The following ASCC3 variants were observed in gnomAD, a reference collection of about 807,000 sequenced individuals.
ASCC3 encodes activating signal cointegrator 1 complex subunit 3.
ASCC3 carries 158 observed loss-of-function variants against 256.3 expected under a neutral mutation model. The ratio of observed to expected loss-of-function variants is 0.62; its 90% CI spans 0.54 to 0.70. ASCC3 has a LOEUF of 0.70. ASCC3 is among the 30% of genes least tolerant of loss of function. ASCC3 has a pLI of 0.00. For synonymous variants in ASCC3, 948 were observed against 883.4 expected (o/e 1.07, Z -1.30); for missense variants, 2,259 against 2,626.0 (o/e 0.86, Z 3.05).
intron 1 of ASCC3, among the ~76,000 whole-genome samples, chr6:100,874,493 A>T (rs1270094044): frequency 6.8e-6 from 1 of 146,588 alleles, no homozygotes; most frequent in Non-Finnish European, 1.5e-5. Context: ...AAAACAACTC[A>T]TTGTATTTTG....
chr6:100,740,323 G>A (rs1780371768), intron 10 of ASCC3, among the ~76,000 whole-genome samples: 1 of 152,018 alleles, frequency 6.6e-6, no homozygotes, highest in African/African-American at 2.4e-5. Context: ...CAGTTTTTAC[G>A]CATTTGTTGA....
chr6:100,875,229 A>T (rs1303592549), intron 1 of ASCC3, among the ~76,000 whole-genome samples: 1 of 152,204 alleles, frequency 6.6e-6, no homozygotes, highest in Non-Finnish European at 1.5e-5. Flanking sequence ...TGGAAGACAG[A>T]ATCAATGTGG....
At chr6:100,565,763 A>C (rs1488501135) in intron 36 of ASCC3, among the ~76,000 whole-genome samples, 1 of 152,190 alleles carries the variant, frequency 6.6e-6, no homozygotes, top group Non-Finnish European at 1.5e-5. Flanking sequence ...ACTATGAGAG[A>C]GGATGGCTAT....
At chr6:100,753,981 A>G (rs1401650685) in intron 10 of ASCC3, among the ~76,000 whole-genome samples, 1 of 152,166 alleles carries the variant, frequency 6.6e-6, no homozygotes, top group African/African-American at 2.4e-5. Context: ...AGACCTAAAG[A>G]GTTCATCATC....
chr6:100,575,212 AT>A (rs1003063724), intron 36 of ASCC3, among the ~76,000 whole-genome samples: 4 of 151,142 alleles, frequency 2.6e-5, no homozygotes, highest in Non-Finnish European at 4.4e-5. Context: ...AAACTCTTTA[AT>A]TTTTTTTTAC....
rs1218051892 is a variant in ASCC3, at chr6:100,787,346, C to T, written c.1395+11367G>A. ...ATAGGTATAAATTTAACACAACAGT[C>T]GTAAAACATATCCTAAAAATTACAA... On this transcript the variant is annotated intron_variant, in intron 8 of 41. Coordinates refer to ENST00000369162, the MANE Select transcript of ASCC3 (RefSeq NM_006828.4). 2.6e-5 allele frequency among the ~76,000 whole-genome samples: 4 copies of T among 151,312 alleles called. No homozygotes were observed. In the East Asian group the frequency reaches 5.8e-4, roughly 22 times the overall value.
chr6:100,832,766 C>T (rs1771684160), intron 4 of ASCC3, among the ~76,000 whole-genome samples: 1 of 151,756 alleles, frequency 6.6e-6, no homozygotes, highest in South Asian at 2.1e-4. Context: ...ATTATCAATC[C>T]CACAGACAAT....
intron 8 of ASCC3, among the ~76,000 whole-genome samples, chr6:100,771,518 G>A (rs1781915633): frequency 6.8e-6 from 1 of 146,206 alleles, no homozygotes; most frequent in Non-Finnish European, 1.5e-5. Context: ...ACATATATCA[G>A]ATAAAGTGCT....
intron 4 of ASCC3, among the ~76,000 whole-genome samples, chr6:100,821,564 G>A (rs1266292864): frequency 1.3e-5 from 2 of 152,102 alleles, no homozygotes; most frequent in South Asian, 2.1e-4. Context: ...GGTCATTCAC[G>A]CCTATAATCT....
At chr6:100,816,409 T>A (rs1036411509) in intron 4 of ASCC3, among the ~76,000 whole-genome samples, 2 of 152,110 alleles carry the variant, frequency 1.3e-5, no homozygotes, top group African/African-American at 2.4e-5. Context: ...TACTACTGGG[T>A]ATATACCCAA....
intron 19 of ASCC3, 65 bp downstream of exon 19, chr6:100,651,495 C>T: frequency 1.1e-6 from 1 of 909,642 alleles, no homozygotes; most frequent in South Asian, 1.9e-5. Context: ...TTAATGAGAA[C>T]CTTTTATAAA....
At chr6:100,652,003 G>C (rs933264275) in intron 18 of ASCC3, among the ~76,000 whole-genome samples, 22 of 151,966 alleles carry the variant, frequency 1.4e-4, no homozygotes, top group Non-Finnish European at 2.6e-4. Flanking sequence ...CGAATTCTAA[G>C]CTGATCATGT....
At chr6:100,526,616 TATCACTTCCCTAGTGGAGA>T (rs1774589626) in intron 37 of ASCC3, among the ~76,000 whole-genome samples, 1 of 152,196 alleles carries the variant, frequency 6.6e-6, no homozygotes, top group Admixed American at 6.5e-5. Context: ...ATCAACTCTG[TATCACTTCCCTAGTGGAGA>T]ATGGTGCTTT....
At chr6:100,649,439 G>A (rs1031340228) in intron 20 of ASCC3, among the ~76,000 whole-genome samples, 6 of 151,466 alleles carry the variant, frequency 4.0e-5, no homozygotes, top group African/African-American at 1.5e-4. Flanking sequence ...TCCTATAGAA[G>A]CTATAGGGTT....
At chr6:100,611,699 T>C (rs1773405635) in intron 30 of ASCC3, among the ~76,000 whole-genome samples, 1 of 152,024 alleles carries the variant, frequency 6.6e-6, no homozygotes, top group South Asian at 2.1e-4. Context: ...CCTGGTTCCA[T>C]GAGAGAATTA....
At chr6:100,608,097 C>CACATATATATGTATATTTATCTATATAT (rs1773028756) in intron 30 of ASCC3, among the ~76,000 whole-genome samples, 1 of 45,026 alleles carries the variant, frequency 2.2e-5, no homozygotes, top group African/African-American at 8.6e-5. Flanking sequence ...TATCTATATA[C>CACATATATATGTATATTTATCTATATAT]ACATATATAT....
intron 10 of ASCC3, among the ~76,000 whole-genome samples, chr6:100,753,078 C>CT (rs1474850510): frequency 3.3e-5 from 5 of 151,972 alleles, no homozygotes; most frequent in Non-Finnish European, 7.4e-5. Flanking sequence ...TAACCTGATT[C>CT]TTATAAGCAC....
chr6:100,575,180 T>C (rs1770791968), intron 36 of ASCC3, among the ~76,000 whole-genome samples: 1 of 152,100 alleles, frequency 6.6e-6, no homozygotes, highest in African/African-American at 2.4e-5. Flanking sequence ...TTAACCTTCC[T>C]TTCTTTCATT....
chr6:100,744,320 T>C (rs1183346415), intron 10 of ASCC3, among the ~76,000 whole-genome samples: 2 of 152,206 alleles, frequency 1.3e-5, no homozygotes, highest in Non-Finnish European at 2.9e-5. Context: ...CTGATTATTA[T>C]AGGTAGGTTA....
Sources: allele counts gnomAD v4.1 joint callset (sites outside exome capture counted in the v4.1 genomes callset), GRCh38; gene constraint gnomAD v4.1.1; transcripts MANE v1.5; gene names NCBI Gene and HGNC (gene_info 2026-07-23, HGNC 2026-07-21).